SNTG2: variants seen among roughly 807,000 people sequenced by gnomAD.
SNTG2 encodes the protein gamma-2-syntrophin.
In SNTG2, 74 loss-of-function variants were observed where a neutral mutation model predicts 70.9. That is an observed-to-expected ratio of 1.04 (90% CI 0.86 to 1.27). SNTG2 has a LOEUF of 1.27. SNTG2 is among the 50% of genes most tolerant of loss of function. The probability of loss-of-function intolerance (pLI) is 0.00; values close to 1 mark genes in which losing one functional copy is unlikely to be tolerated. For synonymous variants in SNTG2, 278 were observed against 273.8 expected (o/e 1.02, Z -0.15); for missense variants, 717 against 690.7 (o/e 1.04, Z -0.43).
intron 1 of SNTG2, among the ~76,000 whole-genome samples, chr2:1,024,645 A>T (rs1042317344): frequency 1.3e-5 from 2 of 152,204 alleles, no homozygotes; most frequent in Non-Finnish European, 2.9e-5. Context: ...AAATGCTGGG[A>T]TTACAGGCAT....
chr2:1,316,544 C>T (rs1681287484), intron 16 of SNTG2, among the ~76,000 whole-genome samples, 169 bp downstream of exon 16: 1 of 38,708 alleles, frequency 2.6e-5, no homozygotes, highest in South Asian at 9.8e-4. Flanking sequence ...CCGAAAGAGC[C>T]TGTCGAGGTC....
intron 9 of SNTG2, among the ~76,000 whole-genome samples, chr2:1,236,061 C>A (rs1676635291): frequency 6.6e-6 from 1 of 152,130 alleles, no homozygotes; most frequent in African/African-American, 2.4e-5. Context: ...TCTACTTGAC[C>A]CAGCTGTTTA....
intron 16 of SNTG2, among the ~76,000 whole-genome samples, chr2:1,320,858 C>G (rs1002312359): frequency 6.6e-6 from 1 of 152,130 alleles, no homozygotes; most frequent in African/African-American, 2.4e-5. Context: ...ACGAAAGATA[C>G]CCAGGGAGGC....
At chr2:1,042,593 C>T (rs1210124493) in intron 1 of SNTG2, among the ~76,000 whole-genome samples, 1 of 152,154 alleles carries the variant, frequency 6.6e-6, no homozygotes, top group African/African-American at 2.4e-5. Context: ...CAGTATTTAG[C>T]TCCCACTTAC....
At chr2:988,318 T>C (rs1363933641) in intron 1 of SNTG2, among the ~76,000 whole-genome samples, 1 of 152,132 alleles carries the variant, frequency 6.6e-6, no homozygotes, top group African/African-American at 2.4e-5. Context: ...AGGCCCTGAG[T>C]CCATTGCAGT....
intron 8 of SNTG2, among the ~76,000 whole-genome samples, chr2:1,182,829 T>C (rs966190401): frequency 1.4e-4 from 21 of 152,194 alleles, no homozygotes; most frequent in African/African-American, 5.1e-4. Context: ...CTGGGCTCAC[T>C]GCAGCCTCAA....
chr2:1,008,769 T>C (rs557932077), intron 1 of SNTG2, among the ~76,000 whole-genome samples: 17 of 152,320 alleles, frequency 1.1e-4, no homozygotes, highest in African/African-American at 3.8e-4. Flanking sequence ...TATTTTTGCT[T>C]TTCCATAAAA....
chr2:987,950 C>T (rs550280624), intron 1 of SNTG2, among the ~76,000 whole-genome samples: 93 of 152,318 alleles, frequency 6.1e-4, no homozygotes, highest in African/African-American at 2.0e-3. Context: ...TGACACCCCA[C>T]GTGGGCCTCT....
At chr2:1,336,894 C>T (rs747123259) in intron 16 of SNTG2, among the ~76,000 whole-genome samples, 1 of 152,008 alleles carries the variant, frequency 6.6e-6, no homozygotes, top group Non-Finnish European at 1.5e-5. Context: ...TAGTGCAGTG[C>T]CCCTAGCTTT....
chr2:1,020,389 C>A (rs1244416378), intron 1 of SNTG2, among the ~76,000 whole-genome samples: 2 of 152,170 alleles, frequency 1.3e-5, no homozygotes, highest in East Asian at 3.9e-4. Context: ...AGTGAGGGAA[C>A]CACTTACAAC....
chr2:1,166,768 A>G (rs975498318), intron 7 of SNTG2, among the ~76,000 whole-genome samples: 24 of 152,306 alleles, frequency 1.6e-4, no homozygotes, highest in Admixed American at 3.3e-4. Context: ...TATGCCTATA[A>G]CAACCCCAAG....
At position 1,165,579 on chromosome 2, in the gene SNTG2, T is replaced by C. The variant is rs1183580632; in HGVS notation, c.443T>C (p.Val148Ala). The C allele has an allele frequency of 6.2e-7, 1 of 1,613,200 alleles. No homozygotes were observed. Among genetic ancestry groups the C allele is most frequent in the Admixed American group, 1.7e-5 (1 of 59,878 alleles). ...VHLLRNAGDE[V>A]TITVEYLREA... is the part of the protein sequence containing the mutation. ...CTGCTGAGAAATGCTGGCGATGAAG[T>C]TACCATCACCGTTGAGTATCTCAGG... is the stretch of plus-strand genomic sequence containing the variant. Residue 148 changes from valine to alanine, a missense_variant, in exon 7 of 17, where the codon GTT becomes GCT. Val to Ala is a moderately conservative substitution (Grantham distance 64). Coordinates refer to ENST00000308624, the MANE Select transcript of SNTG2 (RefSeq NM_018968.4).
intron 1 of SNTG2, among the ~76,000 whole-genome samples, chr2:983,320 A>AAGCAGAGGCTCTCTTCCAT (rs1661193295): frequency 2.9e-5 from 4 of 139,518 alleles, no homozygotes; most frequent in Non-Finnish European, 4.6e-5. Flanking sequence ...GGTCAGGATG[A>AAGCAGAGGCTCTCTTCCAT]AGAAGCTGCA....
intron 1 of SNTG2, among the ~76,000 whole-genome samples, chr2:1,025,842 G>C (rs1456614258): frequency 6.6e-6 from 1 of 152,156 alleles, no homozygotes; most frequent in Non-Finnish European, 1.5e-5. Flanking sequence ...ATTTTTGTGG[G>C]GGCCTTTGCC....
At chr2:1,203,690 A>ATATATATATG (rs150383929) in intron 8 of SNTG2, among the ~76,000 whole-genome samples, 11 of 141,296 alleles carry the variant, frequency 7.8e-5, no homozygotes, top group African/African-American at 2.9e-4. Flanking sequence ...ATATATATAT[A>ATATATATATG]TGTGTGTGTG....
chr2:1,083,629 G>A lies in SNTG2; in HGVS notation c.184G>A (p.Val62Met), dbSNP rs773722442. 1.1e-5 allele frequency: 18 copies of A among 1,613,774 alleles called. No homozygotes were observed. The East Asian group carries it at 4.0e-4, about 36-fold the overall frequency. ...AATTCAGAAACAAGATGTTGTCTGTGTGGGCGGAAGCCACCAGGGCAGGAA... is the reference window on the plus strand; with the variant it reads ...AATTCAGAAACAAGATGTTGTCTGTATGGGCGGAAGCCACCAGGGCAGGAA... ...LTIQKQDVVCVGGSHQGRNRR... is the reference protein window; with the variant it reads ...LTIQKQDVVCMGGSHQGRNRR... Residue 62 changes from valine to methionine, a missense_variant, in exon 2 of 17, where the codon GTG becomes ATG. Val to Met is a conservative substitution (Grantham distance 21, BLOSUM62 1). Transcript: ENST00000308624.
intron 1 of SNTG2, among the ~76,000 whole-genome samples, chr2:1,003,827 T>C (rs928822127): frequency 2.0e-5 from 3 of 152,242 alleles, no homozygotes; most frequent in East Asian, 3.9e-4. Context: ...ATTACACTTA[T>C]GTAACATTGT....
intron 16 of SNTG2, among the ~76,000 whole-genome samples, chr2:1,361,030 A>G (rs1486995798): frequency 2.6e-5 from 4 of 152,166 alleles, no homozygotes; most frequent in African/African-American, 9.7e-5. Context: ...GCATCCATCA[A>G]CTCAGTCAGC....
chr2:983,467 C>T (rs184889734), intron 1 of SNTG2, among the ~76,000 whole-genome samples: 25 of 152,196 alleles, frequency 1.6e-4, no homozygotes, highest in Non-Finnish European at 3.2e-4. Flanking sequence ...TGCTGCCTCC[C>T]ACCCTTCCTG....
Sources: gnomAD v4.1 joint callset for allele counts (sites outside exome capture counted in the v4.1 genomes callset) on GRCh38, gnomAD v4.1.1 for gene constraint, MANE v1.5 for transcripts, NCBI Gene and HGNC (gene_info 2026-07-23, HGNC 2026-07-21) for gene names.